The following BACH2 variants were observed in gnomAD, a reference collection of about 807,000 sequenced individuals.
BACH2 encodes the protein BACH transcriptional regulator 2, also known as transcription regulator protein BACH2.
BACH2 carries 5 observed loss-of-function variants against 61.8 expected under a neutral mutation model. The observed-to-expected ratio is 0.08, with a 90% CI of 0.04 to 0.17. The LOEUF (loss-of-function observed/expected upper bound fraction) is 0.17, where lower values mean the gene tolerates loss of function less well. BACH2 is among the 10% of genes least tolerant of loss of function. The pLI is 1.00. For missense variants in BACH2, 824 were observed against 1,091.1 expected (o/e 0.76, Z 3.45); for synonymous variants, 446 against 440.1 (o/e 1.01, Z -0.17).
chr6:90,295,867 C>T (rs1772345881), intron 1 of BACH2, among the ~76,000 whole-genome samples: 2 of 152,266 alleles, frequency 1.3e-5, no homozygotes, highest in Admixed American at 6.5e-5. Flanking sequence ...CGACCCTAAA[C>T]TTGGGCTTTG....
rs73755606 is a variant in BACH2, at chr6:90,239,593, A to C, written c.-275+12920T>G. 6.4e-3 allele frequency among the ~76,000 whole-genome samples: 981 copies of C among 152,296 alleles called. 11 individuals are homozygous for C. Among genetic ancestry groups the C allele is most frequent in the African/African-American group, 0.023 (936 of 41,544 alleles). On this transcript the variant is annotated intron_variant, in intron 3 of 8. Transcript: ENST00000257749. ...TATGTATGCATGTACATGCTTTAAT[A>C]ATCTCTGGCAATATGCACATATTTA...
At chr6:90,109,304 T>C (rs1235561740) in intron 4 of BACH2, among the ~76,000 whole-genome samples, 1 of 152,152 alleles carries the variant, frequency 6.6e-6, no homozygotes, top group East Asian at 1.9e-4. Context: ...ACTTCCTCCA[T>C]GAAACCACTT....
intron 5 of BACH2, among the ~76,000 whole-genome samples, chr6:90,031,703 G>A (rs1778991326): frequency 6.6e-6 from 1 of 152,180 alleles, no homozygotes; most frequent in South Asian, 2.1e-4. Context: ...TGAAATAAAA[G>A]AGGATATAAA....
At chr6:90,106,889 C>T (rs970542516) in intron 4 of BACH2, among the ~76,000 whole-genome samples, 2 of 152,212 alleles carry the variant, frequency 1.3e-5, no homozygotes, top group Non-Finnish European at 2.9e-5. Context: ...GGAAGGATAA[C>T]ACCTACATAC....
In BACH2 at chr6:90,066,273, G is replaced by A. The variant is rs565472602; in HGVS notation, c.-13+22688C>T. On this transcript the variant is annotated intron_variant, in intron 5 of 8. Transcript: ENST00000257749. ...AACACTGCACAGGAATTCACGTGGT[G>A]CATTCAAGAGAGGTGACCAGTGGCT... Among the ~76,000 whole-genome samples, 10 of 152,276 alleles carry A rather than the reference G, an allele frequency of 6.6e-5. No homozygotes were observed. The South Asian group carries it at 2.1e-3, about 32-fold the overall frequency.
intron 6 of BACH2, among the ~76,000 whole-genome samples, chr6:89,956,498 C>T (rs1318149925): frequency 2.0e-5 from 3 of 152,160 alleles, no homozygotes; most frequent in Non-Finnish European, 4.4e-5. Context: ...ACCCTTAATC[C>T]TTCATTACAT....
chr6:90,211,054 C>T (rs1769328409), intron 3 of BACH2, among the ~76,000 whole-genome samples: 2 of 135,004 alleles, frequency 1.5e-5, no homozygotes, highest in South Asian at 2.4e-4. Context: ...ACTCAGGAGG[C>T]TGAGGCAGGA....
In BACH2 at chr6:89,950,645, G is replaced by A. The variant is rs772919565; in HGVS notation, c.1461C>T (p.Ala487=). The A allele has an allele frequency of 5.6e-6, 9 of 1,613,998 alleles. No homozygotes were observed. Among genetic ancestry groups the A allele is most frequent in the African/African-American group, 2.7e-5 (2 of 74,912 alleles). The part of the protein sequence containing the change: ...SQAYSHGGLM[A]DHLPGRMRPN... ...GCCGCATCCTTCCTGGCAAGTGGTC[G>A]GCCATCAGCCCACCGTGGGAGTAGG... Residue 487 remains alanine (A), a synonymous_variant, in exon 7 of 9, where the codon GCC becomes GCT. Transcript: ENST00000257749. This position sits in a 1 kb window ranked among gnomAD's most constrained non-coding sequence, Gnocchi z 5.3.
intron 4 of BACH2, among the ~76,000 whole-genome samples, chr6:90,193,118 T>A (rs1002152573): frequency 3.9e-5 from 6 of 152,226 alleles, no homozygotes; most frequent in Non-Finnish European, 7.3e-5. Context: ...AGATGGTGCT[T>A]TACTTCAAGG....
At chr6:90,138,880 G>A (rs1784371384) in intron 4 of BACH2, among the ~76,000 whole-genome samples, 1 of 152,116 alleles carries the variant, frequency 6.6e-6, no homozygotes, top group African/African-American at 2.4e-5. Context: ...ATTAATTCAC[G>A]TACCACATGG....
intron 3 of BACH2, among the ~76,000 whole-genome samples, chr6:90,240,220 C>T (rs946940675): frequency 2.0e-5 from 3 of 151,908 alleles, no homozygotes; most frequent in African/African-American, 7.3e-5. Flanking sequence ...TGCATTTTTC[C>T]AATACTATCT....
intron 3 of BACH2, among the ~76,000 whole-genome samples, chr6:90,231,276 A>G (rs1016024892): frequency 1.3e-5 from 2 of 152,230 alleles, no homozygotes; most frequent in South Asian, 2.1e-4. Flanking sequence ...CTTTTTATCT[A>G]TCAAGGACAG....
At chr6:90,092,699 A>T (rs1482327621) in intron 4 of BACH2, among the ~76,000 whole-genome samples, 3 of 152,344 alleles carry the variant, frequency 2.0e-5, no homozygotes, top group Non-Finnish European at 4.4e-5. Context: ...TTTGGAAAAG[A>T]ACACAAGAAG....
intron 6 of BACH2, among the ~76,000 whole-genome samples, chr6:89,981,130 T>C (rs995414345): frequency 6.8e-6 from 1 of 147,828 alleles, no homozygotes; most frequent in Admixed American, 6.7e-5. Context: ...TCATCGTGAT[T>C]CGCTTTTTTT....
chr6:90,153,648 C>T (rs1404438867), intron 4 of BACH2, among the ~76,000 whole-genome samples: 1 of 152,158 alleles, frequency 6.6e-6, no homozygotes, highest in Non-Finnish European at 1.5e-5. Flanking sequence ...AAAATCCAGG[C>T]ACATTCATGT....
chr6:90,296,171 C>A, intron 1 of BACH2, among the ~76,000 whole-genome samples: 1 of 152,120 alleles, frequency 6.6e-6, no homozygotes, highest in South Asian at 2.1e-4. Context: ...CCTCCCTCTG[C>A]TGTTCCAAAA....
At chr6:90,150,255 C>G (rs1292701781) in intron 4 of BACH2, among the ~76,000 whole-genome samples, 1 of 152,090 alleles carries the variant, frequency 6.6e-6, no homozygotes, top group African/African-American at 2.4e-5. Context: ...AATTGCTGTA[C>G]CCTCCCAACT....
chr6:89,997,408 C>G (rs910862917), intron 6 of BACH2, among the ~76,000 whole-genome samples: 5 of 152,234 alleles, frequency 3.3e-5, no homozygotes, highest in African/African-American at 1.2e-4. Flanking sequence ...TACCCTGAAT[C>G]TGGGTGTTCC....
chr6:90,181,983 T>C (rs940867071), intron 4 of BACH2, among the ~76,000 whole-genome samples: 3 of 152,134 alleles, frequency 2.0e-5, no homozygotes, highest in African/African-American at 7.2e-5. Flanking sequence ...AGCCCTGCAA[T>C]TGGCCTCTCC....
Sources: allele counts gnomAD v4.1 joint callset (sites outside exome capture counted in the v4.1 genomes callset), GRCh38; gene constraint gnomAD v4.1.1; non-coding constraint Gnocchi (gnomAD v3.1); transcripts MANE v1.5; gene names NCBI Gene and HGNC (gene_info 2026-07-23, HGNC 2026-07-21).